The following STK33 variants were observed in gnomAD, a reference collection of about 807,000 sequenced individuals.
STK33 encodes serine/threonine-protein kinase 33.
A neutral mutation model predicts 58.0 loss-of-function variants in STK33; 52 were observed. That is an observed-to-expected ratio of 0.90 (90% CI 0.72 to 1.13). The LOEUF (loss-of-function observed/expected upper bound fraction) is 1.13, where lower values mean the gene tolerates loss of function less well. STK33 is among the 50% of genes most tolerant of loss of function. The pLI is 0.00. For synonymous variants in STK33, 215 were observed against 200.1 expected (o/e 1.07, Z -0.63); for missense variants, 630 against 604.2 (o/e 1.04, Z -0.45).
intron 14 of STK33, among the ~76,000 whole-genome samples, chr11:8,426,596 C>G (rs1175622097): frequency 6.6e-6 from 1 of 152,216 alleles, no homozygotes; most frequent in African/African-American, 2.4e-5. Context: ...CCTGTTTTCT[C>G]TATTTCTGTC....
chr11:8,339,546 T>C, the STK33 span, among the ~76,000 whole-genome samples: 4 of 152,216 alleles, frequency 2.6e-5, no homozygotes, highest in East Asian at 7.7e-4. Context: ...GATGTGTGCT[T>C]AGAGGGTGCA....
chr11:8,371,006 C>T, the STK33 span, among the ~76,000 whole-genome samples: 7 of 152,056 alleles, frequency 4.6e-5, no homozygotes, highest in Admixed American at 3.9e-4. Flanking sequence ...AGCTGAGGAG[C>T]ATGGCTAATG....
At chr11:8,545,714 G>A (rs949049486) in intron 1 of STK33, among the ~76,000 whole-genome samples, 2 of 152,152 alleles carry the variant, frequency 1.3e-5, no homozygotes, top group Admixed American at 6.5e-5. Flanking sequence ...AGGAAGGTAA[G>A]GTATGCCTAG....
intron 15 of STK33, among the ~76,000 whole-genome samples, chr11:8,402,357 T>C (rs975453210): frequency 1.3e-5 from 2 of 151,828 alleles, no homozygotes; most frequent in Non-Finnish European, 2.9e-5. Context: ...CAGCAAACTA[T>C]CACAAGGACA....
chr11:8,377,258 T>C, the STK33 span, among the ~76,000 whole-genome samples: 9 of 152,256 alleles, frequency 5.9e-5, no homozygotes, highest in East Asian at 1.7e-3. Flanking sequence ...GGCAGGGCCA[T>C]TGCAGACCCC....
chr11:8,573,543 T>A (rs1376538461), intron 1 of STK33, among the ~76,000 whole-genome samples: 1 of 152,218 alleles, frequency 6.6e-6, no homozygotes, highest in Non-Finnish European at 1.5e-5. Flanking sequence ...AAAACTAAAA[T>A]TGACTTATTA....
downstream of STK33, among the ~76,000 whole-genome samples, chr11:8,390,732 G>A (rs929090988): frequency 6.6e-6 from 1 of 152,172 alleles, no homozygotes; most frequent in Non-Finnish European, 1.5e-5. Flanking sequence ...GGGAATAGGT[G>A]AAGACACACT....
intron 11 of STK33, among the ~76,000 whole-genome samples, chr11:8,442,228 T>A (rs1194105992): frequency 6.6e-6 from 1 of 152,148 alleles, no homozygotes; most frequent in Admixed American, 6.5e-5. Flanking sequence ...TGATTGAAAA[T>A]TAACTAATAT....
chr11:8,464,294 T>C (rs562346382), intron 7 of STK33, among the ~76,000 whole-genome samples: 2 of 152,132 alleles, frequency 1.3e-5, no homozygotes, highest in South Asian at 4.2e-4. Flanking sequence ...ATAAACAGAA[T>C]TAGCGAACAG....
At chr11:8,349,092 C>T in the STK33 span, among the ~76,000 whole-genome samples, 1 of 152,162 alleles carries the variant, frequency 6.6e-6, no homozygotes, top group Non-Finnish European at 1.5e-5. Context: ...ACCGCCAGCT[C>T]CCTCTGTTCT....
intron 1 of STK33, among the ~76,000 whole-genome samples, chr11:8,520,336 A>C (rs1272919077): frequency 6.6e-6 from 1 of 152,204 alleles, no homozygotes; most frequent in Non-Finnish European, 1.5e-5. Flanking sequence ...TATTGATGGG[A>C]CATATCTCAA....
At chr11:8,376,411 C>T in the STK33 span, among the ~76,000 whole-genome samples, 30 of 152,180 alleles carry the variant, frequency 2.0e-4, no homozygotes, top group African/African-American at 6.0e-4. Flanking sequence ...AGAAGGCAGA[C>T]GGCTTAAGAC....
chr11:8,360,512 A>G, the STK33 span, among the ~76,000 whole-genome samples: 1 of 152,260 alleles, frequency 6.6e-6, no homozygotes, highest in African/African-American at 2.4e-5. Context: ...GTGGTTTAAA[A>G]CAATGCCCAT....
chr11:8,535,367 T>C (rs1954914199), intron 1 of STK33, among the ~76,000 whole-genome samples: 1 of 151,848 alleles, frequency 6.6e-6, no homozygotes, highest in Non-Finnish European at 1.5e-5. Context: ...ATCCAGAATA[T>C]ACAAGGAACT....
chr11:8,434,756 T>C (rs1246889294), intron 14 of STK33, among the ~76,000 whole-genome samples: 1 of 152,204 alleles, frequency 6.6e-6, no homozygotes, highest in Non-Finnish European at 1.5e-5. Flanking sequence ...ATCAGATCCA[T>C]TTAAGGACAC....
chr11:8,571,658 C>G (rs1957815436), intron 1 of STK33, among the ~76,000 whole-genome samples: 1 of 151,856 alleles, frequency 6.6e-6, no homozygotes, highest in African/African-American at 2.4e-5. Flanking sequence ...ACGGTGAAAC[C>G]TTGTTTCTAC....
chr11:8,486,385 C>T (rs1260132309), intron 1 of STK33, among the ~76,000 whole-genome samples: 1 of 151,862 alleles, frequency 6.6e-6, no homozygotes, highest in Non-Finnish European at 1.5e-5. Context: ...TTCTCTAGGC[C>T]TTCTTATGTG....
intron 1 of STK33, among the ~76,000 whole-genome samples, chr11:8,556,898 C>T (rs895692979): frequency 1.3e-5 from 2 of 151,986 alleles, no homozygotes; most frequent in Non-Finnish European, 2.9e-5. Context: ...ATAGTAATGC[C>T]CCTCTTTGCT....
chr11:8,415,918 T>C (rs1941054728), intron 14 of STK33, among the ~76,000 whole-genome samples: 1 of 152,162 alleles, frequency 6.6e-6, no homozygotes, highest in Admixed American at 6.6e-5. Flanking sequence ...GTCAACATGG[T>C]ATATGAACTA....
Sources: allele counts gnomAD v4.1 joint callset (sites outside exome capture counted in the v4.1 genomes callset), GRCh38; gene constraint gnomAD v4.1.1; transcripts MANE v1.5; gene names NCBI Gene and HGNC (gene_info 2026-07-23, HGNC 2026-07-21).